The following LINGO2 variants were observed in gnomAD, a reference collection of about 807,000 sequenced individuals.
LINGO2 encodes leucine-rich repeat and immunoglobulin-like domain-containing nogo receptor-interacting protein 2.
A neutral mutation model predicts 30.6 loss-of-function variants in LINGO2; 14 were observed. That is an observed-to-expected ratio of 0.46 (90% CI 0.30 to 0.72). The LOEUF is 0.72. Among genes scored for constraint, LINGO2 ranks in the 30% least tolerant of loss-of-function variants. The pLI is 0.07. For synonymous variants in LINGO2, 317 were observed against 288.5 expected (o/e 1.10, Z -1.00); for missense variants, 729 against 751.7 (o/e 0.97, Z 0.35).
At chr9:28,511,715 T>C (rs1464090032) in intron 1 of LINGO2, among the ~76,000 whole-genome samples, 1 of 152,198 alleles carries the variant, frequency 6.6e-6, no homozygotes, top group African/African-American at 2.4e-5. Flanking sequence ...CAATCATGCT[T>C]CTTCCAAGTC....
intron 4 of LINGO2, among the ~76,000 whole-genome samples, chr9:28,054,873 C>T (rs1824849210): frequency 6.6e-6 from 1 of 152,144 alleles, no homozygotes; most frequent in African/African-American, 2.4e-5. Context: ...GAAATGGAGC[C>T]TTTTCAAATA....
chr9:28,826,499 G>A, the LINGO2 span, among the ~76,000 whole-genome samples: 2 of 152,036 alleles, frequency 1.3e-5, no homozygotes, highest in South Asian at 2.1e-4. Context: ...TGCAAAAAGA[G>A]CATCACAGGC....
At chr9:28,117,286 G>C (rs1176614407) in intron 4 of LINGO2, among the ~76,000 whole-genome samples, 2 of 149,908 alleles carry the variant, frequency 1.3e-5, no homozygotes, top group East Asian at 2.0e-4. Context: ...CTCCGGCTGC[G>C]TGCTGGGAGA....
At chr9:28,840,814 G>A in the LINGO2 span, among the ~76,000 whole-genome samples, 1 of 151,956 alleles carries the variant, frequency 6.6e-6, no homozygotes, top group Admixed American at 6.5e-5. Flanking sequence ...GTGGTGTGAG[G>A]TCTCCAGAAG....
At chr9:29,108,538 T>C in the LINGO2 span, among the ~76,000 whole-genome samples, 1 of 152,152 alleles carries the variant, frequency 6.6e-6, no homozygotes, top group Non-Finnish European at 1.5e-5. Context: ...ATTAAAAGCT[T>C]ATTTCTATTT....
At chr9:29,119,718 T>C in the LINGO2 span, among the ~76,000 whole-genome samples, 5 of 151,050 alleles carry the variant, frequency 3.3e-5, no homozygotes, top group Admixed American at 1.3e-4. Context: ...CCTGAGTAGC[T>C]AGGATTACAG....
the LINGO2 span, among the ~76,000 whole-genome samples, chr9:29,043,068 A>G: frequency 6.6e-6 from 1 of 151,940 alleles, no homozygotes; most frequent in African/African-American, 2.4e-5. Flanking sequence ...TAAATCTACA[A>G]TAATCTCAAG....
the LINGO2 span, among the ~76,000 whole-genome samples, chr9:28,952,285 T>C: frequency 2.0e-5 from 3 of 152,192 alleles, no homozygotes; most frequent in Admixed American, 6.5e-5. Flanking sequence ...GTTAAGGGTA[T>C]GTGTTTTGGC....
At chr9:28,511,270 T>C (rs1362116387) in intron 1 of LINGO2, among the ~76,000 whole-genome samples, 1 of 152,184 alleles carries the variant, frequency 6.6e-6, no homozygotes, top group East Asian at 1.9e-4. Context: ...GAAAAACCTC[T>C]GCACTTTCCA....
rs192208261 is a variant in LINGO2 at position 28,348,317 on chromosome 9, G to A, written c.-246+24519C>T. ...CACCGTGCACGAGCCAAAGCAGGGC[G>A]AGGCATTGCCTCACTTGGGAAGCGC... On this transcript the variant is annotated intron_variant, in intron 3 of 5. Coordinates refer to ENST00000379992, the Ensembl canonical transcript of LINGO2. Among the ~76,000 whole-genome samples, 902 of 152,262 alleles carry A rather than the reference G, an allele frequency of 5.9e-3. 9 individuals carry two copies. Among genetic ancestry groups the A allele is most frequent in the African/African-American group, 0.02 (835 of 41,552 alleles).
intron 4 of LINGO2, among the ~76,000 whole-genome samples, chr9:28,285,599 G>A (rs1376649182): frequency 1.3e-5 from 2 of 151,744 alleles, no homozygotes; most frequent in Non-Finnish European, 2.9e-5. Context: ...TAGAGACGGG[G>A]TTTCACCGTG....
In LINGO2 at chr9:28,147,298, G is replaced by A. The variant is rs1376961915; in HGVS notation, c.-86-134893C>T. On this transcript the variant is annotated intron_variant, in intron 4 of 5. Transcript: ENST00000379992. This position sits in a 1 kb window ranked among gnomAD's most constrained non-coding sequence, Gnocchi z 4.7. ...CAGCCTGGGTTCAAAGCCTGGCTGG[G>A]CCATGACCACCTGAATGACCTGAGG... Among the ~76,000 whole-genome samples, 2 of 152,202 alleles carry A rather than the reference G, an allele frequency of 1.3e-5. No homozygotes were observed. Among genetic ancestry groups the A allele is most frequent in the Non-Finnish European group, 2.9e-5 (2 of 68,028 alleles).
the LINGO2 span, among the ~76,000 whole-genome samples, chr9:28,874,294 G>C: frequency 4.0e-5 from 6 of 151,832 alleles, no homozygotes; most frequent in Admixed American, 2.6e-4. Context: ...GTGGTTCTAC[G>C]TAAGTGATAT....
chr9:29,060,826 G>A, the LINGO2 span, among the ~76,000 whole-genome samples: 1 of 151,788 alleles, frequency 6.6e-6, no homozygotes, highest in Non-Finnish European at 1.5e-5. Flanking sequence ...GAAATCAACT[G>A]TAATTACCCA....
chr9:28,356,032 G>T (rs1043429185), intron 3 of LINGO2, among the ~76,000 whole-genome samples: 3 of 152,076 alleles, frequency 2.0e-5, no homozygotes, highest in Admixed American at 6.6e-5. Context: ...ATCACTTCTA[G>T]TGTCTATACA....
the LINGO2 span, among the ~76,000 whole-genome samples, chr9:29,115,944 T>C: frequency 2.6e-5 from 4 of 152,056 alleles, no homozygotes; most frequent in African/African-American, 7.2e-5. Flanking sequence ...ATATCACTTA[T>C]TGTAGGATAG....
the LINGO2 span, among the ~76,000 whole-genome samples, chr9:29,025,549 T>A: frequency 0.41 from 61,770 of 151,908 alleles, 12,707 homozygotes; most frequent in East Asian, 0.54. Flanking sequence ...TCATTTTTTT[T>A]CATTTAGAGG....
intron 4 of LINGO2, among the ~76,000 whole-genome samples, chr9:28,056,052 G>A (rs1216927213): frequency 6.6e-6 from 1 of 152,148 alleles, no homozygotes; most frequent in Admixed American, 6.6e-5. Context: ...CTATTTTAAA[G>A]GAAAGATCCA....
rs538936567 is a variant in LINGO2 at position 28,393,858 on chromosome 9, G to A, written c.-278-20990C>T. Among the ~76,000 whole-genome samples the A allele has an allele frequency of 2.0e-5, 3 of 152,278 alleles. No individual in the cohort carries two copies. The South Asian group carries it at 6.2e-4, about 32-fold the overall frequency. The stretch of plus-strand genomic sequence containing the variant: ...AGCAACCTTCAGCTAATGACTAATG[G>A]AAGTTAGTAGATAAATACCCTTTGC... On this transcript the variant is annotated intron_variant, in intron 2 of 5. Transcript: ENST00000379992.
Sources: allele counts gnomAD v4.1 joint callset (sites outside exome capture counted in the v4.1 genomes callset), GRCh38; gene constraint gnomAD v4.1.1; non-coding constraint Gnocchi (gnomAD v3.1); transcripts MANE v1.5; gene names NCBI Gene and HGNC (gene_info 2026-07-23, HGNC 2026-07-21).